Variants in CSMD1 observed in about 807,000 individuals in gnomAD.
The protein encoded by CSMD1 is CUB and Sushi multiple domains 1.
CSMD1 carries 213 observed loss-of-function variants against 417.5 expected under a neutral mutation model. That is an observed-to-expected ratio of 0.51 (90% CI 0.46 to 0.57). CSMD1 has a LOEUF of 0.57. Ranked by LOEUF, CSMD1 falls within the 20% of genes least tolerant of loss-of-function variation. CSMD1 has a pLI of 0.00. For synonymous variants in CSMD1, 2,862 were observed against 1,736.8 expected (o/e 1.65, Z -16.11); for missense variants, 6,923 against 4,529.7 (o/e 1.53, Z -15.17).
At chr8:4,030,526 C>G (rs903842138) in intron 4 of CSMD1, among the ~76,000 whole-genome samples, 1 of 152,158 alleles carries the variant, frequency 6.6e-6, no homozygotes, top group East Asian at 1.9e-4. Flanking sequence ...AGTCTCTAGG[C>G]TGTACACAGC....
rs534728599 is a variant in CSMD1 at position 3,940,885 on chromosome 8, C to T, written c.818+57018G>A. ...TACGCTTCTTCCTTATGCCATCTCC[C>T]TTCTCCCCCCGAGATTATGTCTACA... On this transcript the variant is annotated intron_variant, in intron 5 of 69. Coordinates refer to ENST00000635120, the MANE Select transcript of CSMD1 (RefSeq NM_033225.6). Among the ~76,000 whole-genome samples the T allele has an allele frequency of 1.0e-3, 47 of 45,642 alleles. No homozygotes were observed. The South Asian group carries it at 0.021, about 21-fold the overall frequency. The allele number at this position is 45,642 out of a possible 152,430, so 29.9% of individuals were successfully genotyped here. A position where few individuals can be genotyped will look rare whatever the true frequency, so the allele number is the denominator to read the frequency against.
intron 1 of CSMD1, among the ~76,000 whole-genome samples, chr8:4,776,543 T>A (rs1261852435): frequency 6.6e-6 from 1 of 152,148 alleles, no homozygotes; most frequent in East Asian, 1.9e-4. Context: ...CATATTTCTG[T>A]GAAATTCCAC....
At chr8:3,972,358 T>G (rs1183380683) in intron 5 of CSMD1, among the ~76,000 whole-genome samples, 1 of 152,208 alleles carries the variant, frequency 6.6e-6, no homozygotes, top group Non-Finnish European at 1.5e-5. Flanking sequence ...ATCATTTAAT[T>G]TTTGCTAAAG....
At chr8:3,320,447 T>G (rs574115710) in intron 23 of CSMD1, among the ~76,000 whole-genome samples, 18 of 152,200 alleles carry the variant, frequency 1.2e-4, no homozygotes, top group Non-Finnish European at 2.5e-4. Flanking sequence ...CTCGTACAAG[T>G]AAAATCCATG....
intron 12 of CSMD1, among the ~76,000 whole-genome samples, chr8:3,439,859 C>A (rs994814842): frequency 6.6e-6 from 1 of 152,154 alleles, no homozygotes; most frequent in South Asian, 2.1e-4. Flanking sequence ...CATGGAGGCA[C>A]ATTTTTGGCC....
intron 5 of CSMD1, among the ~76,000 whole-genome samples, chr8:3,962,952 T>G (rs1812428109): frequency 6.6e-6 from 1 of 152,174 alleles, no homozygotes; most frequent in Non-Finnish European, 1.5e-5. Context: ...TCGTTTTGTT[T>G]TTTAGATGGA....
intron 3 of CSMD1, among the ~76,000 whole-genome samples, chr8:4,053,321 A>G (rs1256671991): frequency 6.6e-6 from 1 of 152,204 alleles, no homozygotes; most frequent in Non-Finnish European, 1.5e-5. Context: ...GAGAATAATA[A>G]AAATCAGACT....
chr8:3,473,208 T>C (rs1420869667), intron 11 of CSMD1, among the ~76,000 whole-genome samples: 3 of 152,224 alleles, frequency 2.0e-5, no homozygotes, highest in East Asian at 3.8e-4. Context: ...TTTAATCTTA[T>C]ATTACTTTGT....
chr8:4,631,083 C>A (rs920072207), intron 2 of CSMD1, among the ~76,000 whole-genome samples: 1 of 152,146 alleles, frequency 6.6e-6, no homozygotes. Flanking sequence ...AAAATGAAGG[C>A]CAGGTGCGGT....
At chr8:3,368,589 T>G (rs1809752965) in intron 19 of CSMD1, among the ~76,000 whole-genome samples, 1 of 152,188 alleles carries the variant, frequency 6.6e-6, no homozygotes, top group Admixed American at 6.5e-5. Flanking sequence ...TACACCTGTC[T>G]TGGCCTCCCG....
chr8:3,562,285 G>C (rs1407007443), intron 10 of CSMD1, among the ~76,000 whole-genome samples: 2 of 149,254 alleles, frequency 1.3e-5, no homozygotes, highest in South Asian at 2.1e-4. Context: ...CAACTGATGA[G>C]AGAGTTTTAG....
chr8:4,764,885 A>AACAAAAAAAAAACAAAACAAAAC (rs1554473643), intron 1 of CSMD1, among the ~76,000 whole-genome samples: 1 of 74,810 alleles, frequency 1.3e-5, no homozygotes. Context: ...AAAAAAAAAA[A>AACAAAAAAAAAACAAAACAAAAC]AAAAAAAAAC....
intron 1 of CSMD1, among the ~76,000 whole-genome samples, chr8:4,939,983 G>C (rs1417066703): frequency 6.6e-6 from 1 of 152,174 alleles, no homozygotes; most frequent in African/African-American, 2.4e-5. Flanking sequence ...AAAATCTTCA[G>C]AGTAGGGTTA....
chr8:3,771,591 C>A (rs1798578379), intron 5 of CSMD1, among the ~76,000 whole-genome samples: 2 of 152,116 alleles, frequency 1.3e-5, no homozygotes, highest in Middle Eastern at 3.4e-3. Flanking sequence ...GCCTCAGGGG[C>A]AGGGAGTCAG....
intron 5 of CSMD1, among the ~76,000 whole-genome samples, chr8:3,869,327 A>T (rs957136415): frequency 1.3e-5 from 2 of 152,150 alleles, no homozygotes; most frequent in South Asian, 4.1e-4. Context: ...GGCATGTATC[A>T]CCTGTGGCTA....
At chr8:3,077,602 T>C (rs1190185728) in intron 49 of CSMD1, among the ~76,000 whole-genome samples, 2 of 152,218 alleles carry the variant, frequency 1.3e-5, no homozygotes, top group Non-Finnish European at 2.9e-5. Context: ...CTGTCTCAGC[T>C]ATCTCTACCT....
intron 6 of CSMD1, among the ~76,000 whole-genome samples, chr8:3,727,847 A>C (rs1394419141): frequency 6.6e-6 from 1 of 152,202 alleles, no homozygotes; most frequent in Non-Finnish European, 1.5e-5. Context: ...GCGCCAGGTG[A>C]AATATGCCTG....
intron 5 of CSMD1, chr8:3,949,812 C>A (rs564521641): frequency 2.3e-6 from 1 of 426,250 alleles, no homozygotes; most frequent in Non-Finnish European, 4.7e-6. Context: ...AAAGCTGGGG[C>A]AATGACCTGC....
chr8:3,985,429 ACACACAAACACACCTGGGCGTGCACACT>A (rs1420510399), intron 5 of CSMD1, among the ~76,000 whole-genome samples: 5 of 152,112 alleles, frequency 3.3e-5, no homozygotes, highest in African/African-American at 1.2e-4. Context: ...ATGTGCACAC[ACACACAAACACACCTGGGCGTGCACACT>A]CACACATTTT....
Sources: allele counts gnomAD v4.1 joint callset (sites outside exome capture counted in the v4.1 genomes callset), GRCh38; gene constraint gnomAD v4.1.1; transcripts MANE v1.5; gene names NCBI Gene and HGNC (gene_info 2026-07-23, HGNC 2026-07-21).